DYNC2I2: variants seen among roughly 807,000 people sequenced by gnomAD.
The protein encoded by DYNC2I2 is dynein 2 intermediate chain 2.
DYNC2I2 carries 39 observed loss-of-function variants against 52.0 expected under a neutral mutation model. That is an observed-to-expected ratio of 0.75 (90% confidence interval 0.58 to 0.98). The LOEUF (loss-of-function observed/expected upper bound fraction) is 0.98, where lower values mean the gene tolerates loss of function less well. Ranked by LOEUF, DYNC2I2 falls within the 50% of genes least tolerant of loss-of-function variation. The pLI is 0.00. For missense variants in DYNC2I2, 743 were observed against 728.4 expected, an observed-to-expected ratio of 1.02 and a Z score of -0.23; for synonymous variants, 359 against 321.1, an observed-to-expected ratio of 1.12 and a Z score of -1.26.
chr9:128,635,288 G>A, intron 5 of DYNC2I2, 29 bp from the exon 6 acceptor site: 1 of 1,606,610 alleles, frequency 6.2e-7, no homozygotes, highest in African/African-American at 1.3e-5. Flanking sequence ...GGGCCAGGAT[G>A]GAGACAAGGG....
In DYNC2I2 at chr9:128,653,207, C is replaced by A. The variant is rs955505786; in HGVS notation, c.186+3334G>T. ...TCACACCACTGCACTTCAGCCTGGG[C>A]AACAAAGCGAGACTCCGTCTCACAC... On this transcript the variant is annotated intron_variant, in intron 1 of 8. Coordinates refer to ENST00000372715, the MANE Select transcript of DYNC2I2 (RefSeq NM_052844.4). 6.6e-5 allele frequency among the ~76,000 whole-genome samples: 10 copies of A among 150,662 alleles called. 1 individual carries two copies. The highest frequency in any genetic ancestry group is 2.5e-4 in the African/African-American group (10 of 40,282).
chr9:128,655,557 T>C (rs979965520), intron 1 of DYNC2I2, among the ~76,000 whole-genome samples: 4 of 143,198 alleles, frequency 2.8e-5, no homozygotes, highest in African/African-American at 1.0e-4. Context: ...CGAAACCAAG[T>C]AGCTGGCACT....
the DYNC2I2 span, among the ~76,000 whole-genome samples, chr9:128,668,379 C>T: frequency 2.1e-5 from 3 of 140,620 alleles, no homozygotes; most frequent in South Asian, 2.3e-4. Flanking sequence ...TTAGTAGAGA[C>T]GGGTTTCACA....
In DYNC2I2 at chr9:128,636,914, T is replaced by C; in HGVS notation, c.545+4A>G. Reference sequence around the variant, plus strand: ...TGCCCCTCACCTGCCCCGCTGCCACTCACCGGCCGTAGGCACAGGCCACCA... The same window carrying C: ...TGCCCCTCACCTGCCCCGCTGCCACCCACCGGCCGTAGGCACAGGCCACCA... On this transcript the variant is annotated splice_donor_region_variant and intron_variant, in intron 3 of 8. Transcript: ENST00000372715. 1 of 1,610,176 alleles carries C rather than the reference T, an allele frequency of 6.2e-7. No homozygotes were observed. The highest frequency in any genetic ancestry group is 8.5e-7 in the Non-Finnish European group (1 of 1,178,838).
intron 1 of DYNC2I2, among the ~76,000 whole-genome samples, chr9:128,644,293 C>A (rs117232603): frequency 1.5e-5 from 2 of 132,880 alleles, no homozygotes; most frequent in Non-Finnish European, 3.2e-5. Flanking sequence ...TTTTTTGAGA[C>A]AGGGTCTCAC....
chr9:128,671,741 T>A, the DYNC2I2 span, among the ~76,000 whole-genome samples: 1 of 151,422 alleles, frequency 6.6e-6, no homozygotes, highest in Non-Finnish European at 1.5e-5. Flanking sequence ...AAGCTCTGCC[T>A]CCTGGGTTCA....
intron 1 of DYNC2I2, among the ~76,000 whole-genome samples, chr9:128,647,180 GA>G (rs1860631145): frequency 6.6e-6 from 1 of 152,162 alleles, no homozygotes; most frequent in Admixed American, 6.6e-5. Flanking sequence ...AATTTCCTGT[GA>G]ATTGGTAAGA....
chr9:128,637,976 C>T (rs1005507187), intron 2 of DYNC2I2, among the ~76,000 whole-genome samples: 19 of 152,122 alleles, frequency 1.2e-4, no homozygotes, highest in African/African-American at 4.6e-4. Flanking sequence ...ATGGCTCACG[C>T]CTGTAATCTC....
rs73669958 is a variant in DYNC2I2, at chr9:128,636,251, G to T, written c.703+30C>A. The T allele has an allele frequency of 1.4e-3, 2,150 of 1,553,852 alleles. 29 individuals are homozygous for T. In the African/African-American group the frequency reaches 0.025, roughly 18 times the overall value. On this transcript the variant is annotated intron_variant, in intron 4 of 8. Coordinates refer to ENST00000372715, the MANE Select transcript of DYNC2I2 (RefSeq NM_052844.4). ...AGGGCGGGAAGCTGAGTCCTGAGAG[G>T]AGAGGAGGCGGACACAGCAGGCAGC...
In DYNC2I2 at chr9:128,649,899, AG is replaced by A. The variant is rs1860694269; in HGVS notation, c.186+6641del. On this transcript the variant is annotated intron_variant, in intron 1 of 8. Transcript: ENST00000372715. The stretch of plus-strand genomic sequence containing the variant: ...TCTCAGCTACTAAGGAGGCTGAGGC[AG>A]GAGAATCGCTTGAACCCGGGAGACA... Among the ~76,000 whole-genome samples, 2 of 53,222 alleles carry A rather than the reference AG, an allele frequency of 3.8e-5. 1 individual carries two copies. The highest frequency in any genetic ancestry group is 7.4e-5 in the African/African-American group (2 of 26,848). The allele number at this position is 53,222 out of a possible 152,430, so 34.9% of individuals were successfully genotyped here.
chr9:128,661,765 G>C (rs1860921848), upstream of DYNC2I2, among the ~76,000 whole-genome samples: 1 of 151,488 alleles, frequency 6.6e-6, no homozygotes, highest in Non-Finnish European at 1.5e-5. Context: ...AAGCCGGCCG[G>C]GCTTGGTGGC....
Position 128,633,709 on chromosome 9 carries a change from C to T in DYNC2I2, c.*35G>A. The T allele has an allele frequency of 6.3e-7, 1 of 1,585,544 alleles. No homozygotes were observed. Among genetic ancestry groups the T allele is most frequent in the South Asian group, 1.1e-5 (1 of 88,364 alleles). On this transcript the variant is annotated 3_prime_UTR_variant, in exon 9 of 9. Coordinates refer to ENST00000372715, the MANE Select transcript of DYNC2I2 (RefSeq NM_052844.4). The stretch of plus-strand genomic sequence containing the variant: ...CTTGCGTCAGAAACACAAGGCTCGG[C>T]ACAGCGAAGGCTTGCACCCGCCTCC...
chr9:128,644,857 A>G (rs1212854195), intron 1 of DYNC2I2, among the ~76,000 whole-genome samples: 3 of 152,162 alleles, frequency 2.0e-5, no homozygotes, highest in African/African-American at 7.2e-5. Context: ...TTCTTATTAT[A>G]TCTGCTACAC....
intron 1 of DYNC2I2, among the ~76,000 whole-genome samples, chr9:128,643,111 G>A (rs369348751): frequency 2.6e-5 from 4 of 152,288 alleles, no homozygotes; most frequent in Admixed American, 6.5e-5. Flanking sequence ...TCCCCTGAGC[G>A]CCGTGGCTCA....
chr9:128,634,672 A>C lies in DYNC2I2; in HGVS notation c.1214+17T>G. 1 of 1,517,500 alleles carries C rather than the reference A, an allele frequency of 6.6e-7. No individual in the cohort carries two copies. Among genetic ancestry groups the C allele is most frequent in the Non-Finnish European group, 8.9e-7 (1 of 1,127,464 alleles). The allele number at this position is 1,517,500 out of a possible 1,614,324, so 94.0% of individuals were successfully genotyped here. A position where few individuals can be genotyped will look rare whatever the true frequency, so the allele number is the denominator to read the frequency against. On this transcript the variant is annotated intron_variant, in intron 7 of 8. Coordinates refer to ENST00000372715, the MANE Select transcript of DYNC2I2 (RefSeq NM_052844.4). ...GGACACCCTGGCCCCACTGTGCCCC[A>C]GGCCTGCCCTACGTACCTGTGGAAG...
At position 128,634,802 on chromosome 9, in the gene DYNC2I2, T is replaced by C. The variant is rs1268683362; in HGVS notation, c.1101A>G (p.Gly367=). Residue 367 remains glycine, a synonymous_variant, in exon 7 of 9, where the codon GGA becomes GGG. Transcript: ENST00000372715. ...TGGGCATCCGCGTGAGGGCTGCCTC[T>C]CCAGCTGCCAGGGAACACTTGAGCG... The part of the protein sequence containing the change: ...GFPLKCSLAA[G]EAALTRMPSS... 1 of 1,612,822 alleles carries C rather than the reference T, an allele frequency of 6.2e-7. No homozygotes were observed. Among genetic ancestry groups the C allele is most frequent in the Non-Finnish European group, 8.5e-7 (1 of 1,179,656 alleles).
At chr9:128,634,527 A>T in intron 7 of DYNC2I2, 144 bp from the exon 8 acceptor site, 1 of 1,315,782 alleles carries the variant, frequency 7.6e-7, no homozygotes, top group Non-Finnish European at 1.0e-6. Context: ...CTCTCATTAG[A>T]GAAGGGACGA....
chr9:128,634,644 C>T (rs376270150), intron 7 of DYNC2I2, 45 bp downstream of exon 7: 7 of 1,478,726 alleles, frequency 4.7e-6, no homozygotes, highest in Non-Finnish European at 6.3e-6. Flanking sequence ...ACCCGCAGGG[C>T]AGGGACACCC....
In DYNC2I2 at chr9:128,634,001, A is replaced by G; in HGVS notation, c.1373-19T>C. On this transcript the variant is annotated intron_variant, in intron 8 of 8. Coordinates refer to ENST00000372715, the MANE Select transcript of DYNC2I2 (RefSeq NM_052844.4). Reference sequence around the variant, plus strand: ...ACGTCACCTGCAAAGAGAGACAGATACGTGGAGTAAGAGAAACTCTAGAGA... The same window carrying G: ...ACGTCACCTGCAAAGAGAGACAGATGCGTGGAGTAAGAGAAACTCTAGAGA... 1 of 1,612,350 alleles carries G rather than the reference A, an allele frequency of 6.2e-7. No individual in the cohort carries two copies. Among genetic ancestry groups the G allele is most frequent in the Non-Finnish European group, 8.5e-7 (1 of 1,179,550 alleles).
Sources: gnomAD v4.1 joint callset for allele counts (sites outside exome capture counted in the v4.1 genomes callset) on GRCh38, gnomAD v4.1.1 for gene constraint, MANE v1.5 for transcripts, NCBI Gene and HGNC (gene_info 2026-07-23, HGNC 2026-07-21) for gene names.